The following OAF variants were observed in gnomAD, a reference collection of about 807,000 sequenced individuals.
OAF encodes out at first protein homolog.
Under a neutral mutation model 22.5 loss-of-function variants are expected in OAF, and 13 were observed. That is an observed-to-expected ratio of 0.58 (90% CI 0.38 to 0.92). The LOEUF is 0.92. Among genes scored for constraint, OAF ranks in the 40% least tolerant of loss-of-function variants. The probability of loss-of-function intolerance (pLI) is 0.00; values close to 1 mark genes in which losing one functional copy is unlikely to be tolerated. For synonymous variants in OAF, 175 were observed against 170.5 expected (o/e 1.03, Z -0.21); for missense variants, 347 against 381.8 (o/e 0.91, Z 0.76).
rs1387006584 is a variant in OAF, at chr11:120,228,884, G to A, written c.564G>A (p.Val188=). 1 of 1,429,508 alleles carries A rather than the reference G, an allele frequency of 7.0e-7. No individual in the cohort carries two copies. The highest frequency in any genetic ancestry group is 9.3e-7 in the Non-Finnish European group (1 of 1,070,038). 88.6% of individuals were successfully genotyped at this position (1,429,508 alleles called of 1,614,324 possible). ...FWLEQGVDSS[V]FEALPKASEQ... ...CTCCCCCAGGTGTGGACAGTTCTGT[G>A]TTCGAGGCTCTGCCCAAGGCCTCAG... The change falls in exon 4 of 4, where the codon GTG becomes GTA. Residue 188 remains valine (V), a synonymous_variant. Coordinates refer to ENST00000328965, the MANE Select transcript of OAF (RefSeq NM_178507.4).
rs1230967090 is a variant in OAF at position 120,225,884 on chromosome 11, T to G, written c.366+89T>G. On this transcript the variant is annotated intron_variant, in intron 2 of 3. Transcript: ENST00000328965. The stretch of plus-strand genomic sequence containing the variant: ...CATCCCGCAGACCCGGCCCAGATCC[T>G]GACCTGCAGACCCGACCCCTGCAGC... 7 of 1,224,400 alleles carry G rather than the reference T, an allele frequency of 5.7e-6. No homozygotes were observed. The East Asian group carries it at 1.8e-4, about 32-fold the overall frequency. The allele number at this position is 1,224,400 out of a possible 1,614,324, so 75.8% of individuals were successfully genotyped here.
chr11:120,219,002 TAC>T (rs1555062016), intron 1 of OAF, among the ~76,000 whole-genome samples: 3 of 149,856 alleles, frequency 2.0e-5, no homozygotes, highest in Non-Finnish European at 4.4e-5. Context: ...TGTGTGTGTG[TAC>T]ACACGTTATG....
At position 120,230,139 on chromosome 11, in the gene OAF, A is replaced by G. The variant is rs1369349472; in HGVS notation, c.*997A>G. The G allele has an allele frequency of 2.0e-5, 3 of 152,244 alleles. No homozygotes were observed. The highest frequency in any genetic ancestry group is 7.2e-5 in the African/African-American group (3 of 41,478). The allele number at this position is 152,244 out of a possible 1,614,324, so 9.4% of individuals were successfully genotyped here. On this transcript the variant is annotated 3_prime_UTR_variant, in exon 4 of 4. Transcript: ENST00000328965. ...GGATGAGATAAAACTTCTGCACCCAAGACAATGAGACAGACATAGCTGCAA... is the reference window on the plus strand; with the variant it reads ...GGATGAGATAAAACTTCTGCACCCAGGACAATGAGACAGACATAGCTGCAA...
At chr11:120,225,863 C>A (rs925275859) in intron 2 of OAF, 68 bp downstream of exon 2, 5 of 1,434,850 alleles carry the variant, frequency 3.5e-6, no homozygotes, top group Non-Finnish European at 4.7e-6. Flanking sequence ...AGATCCCATC[C>A]CGCAGACCCG....
intron 1 of OAF, among the ~76,000 whole-genome samples, chr11:120,223,992 A>G (rs895854997): frequency 2.6e-5 from 4 of 152,206 alleles, no homozygotes; most frequent in African/African-American, 9.6e-5. Flanking sequence ...AGTGAGGGGA[A>G]GATCAGATAG....
At chr11:120,217,391 C>G (rs1938226582) in intron 1 of OAF, 1 of 152,256 alleles carries the variant, frequency 6.6e-6, no homozygotes, top group Non-Finnish European at 1.5e-5. Context: ...CCAGCCTGAT[C>G]AACATGGTGA....
At chr11:120,218,261 G>T (rs1938237642) in intron 1 of OAF, among the ~76,000 whole-genome samples, 1 of 152,194 alleles carries the variant, frequency 6.6e-6, no homozygotes, top group African/African-American at 2.4e-5. Context: ...TAGCCCTGAG[G>T]GGATGCTGGC....
At chr11:120,226,723 T>G (rs1001148467) in intron 2 of OAF, 93 bp from the exon 3 acceptor site, 2 of 1,213,734 alleles carry the variant, frequency 1.6e-6, no homozygotes, top group African/African-American at 1.5e-5. Context: ...CTAAAGGCAG[T>G]CAGCTTGGGC....
intron 2 of OAF, 107 bp downstream of exon 2, chr11:120,225,902 C>G (rs1215107683): frequency 3.2e-6 from 3 of 937,280 alleles, no homozygotes; most frequent in African/African-American, 3.4e-5. Context: ...AGACCCGACC[C>G]CTGCAGCCAG....
intron 3 of OAF, among the ~76,000 whole-genome samples, 168 bp from the exon 4 acceptor site, chr11:120,228,700 A>G (rs540341421): frequency 2.6e-5 from 4 of 152,282 alleles, no homozygotes. Context: ...GGAGCCTAGT[A>G]ACCAGGTCTT....
intron 1 of OAF, among the ~76,000 whole-genome samples, chr11:120,225,204 G>A (rs953148134): frequency 6.6e-6 from 1 of 152,034 alleles, no homozygotes; most frequent in African/African-American, 2.4e-5. Context: ...AGCACCAAGG[G>A]CATCTTGAGA....
chr11:120,228,270 A>AAACAAGGTTTGG (rs1938388907), intron 3 of OAF, among the ~76,000 whole-genome samples: 1 of 152,084 alleles, frequency 6.6e-6, no homozygotes, highest in African/African-American at 2.4e-5. Flanking sequence ...CTTTTAGTAG[A>AAACAAGGTTTGG]AACAAGGTTT....
rs1300350762 is a variant in OAF at position 120,229,220 on chromosome 11, C to T, written c.*78C>T. ...CACTAGAGGGGGTGGCAACCCCCAC[C>T]TGAGGCCTTATTTCCCTCCCTCCCC... On this transcript the variant is annotated 3_prime_UTR_variant, in exon 4 of 4. Coordinates refer to ENST00000328965, the MANE Select transcript of OAF (RefSeq NM_178507.4). The T allele has an allele frequency of 4.5e-6, 6 of 1,331,612 alleles. No individual in the cohort carries two copies. Among genetic ancestry groups the T allele is most frequent in the African/African-American group, 1.4e-5 (1 of 69,532 alleles). The allele number at this position is 1,331,612 out of a possible 1,614,324, so 82.5% of individuals were successfully genotyped here. A position where few individuals can be genotyped will look rare whatever the true frequency, so the allele number is the denominator to read the frequency against.
chr11:120,213,226 C>T (rs1004191533), intron 1 of OAF, among the ~76,000 whole-genome samples: 1 of 151,422 alleles, frequency 6.6e-6, no homozygotes, highest in African/African-American at 2.4e-5. Flanking sequence ...AAGGGAGAGG[C>T]TAAGAAGTAC....
rs75160790 is a variant in OAF at position 120,228,546 on chromosome 11, T to C, written c.548-322T>C. Among the ~76,000 whole-genome samples the C allele has an allele frequency of 7.1e-3, 1,079 of 152,218 alleles. 87 individuals carry two copies. The East Asian group carries it at 0.18, about 25-fold the overall frequency. On this transcript the variant is annotated intron_variant, in intron 3 of 3. Coordinates refer to ENST00000328965, the MANE Select transcript of OAF (RefSeq NM_178507.4). ...AGATCATTAAACTCTGGGTCGATGT[T>C]CTCATCACTAAAACAGGGATGACGA...
intron 1 of OAF, among the ~76,000 whole-genome samples, chr11:120,212,765 C>T (rs1591357173): frequency 6.7e-6 from 1 of 149,022 alleles, no homozygotes; most frequent in African/African-American, 2.5e-5. Context: ...GGGGGTGAGG[C>T]TTGACCGCTG....
chr11:120,226,787 G>A (rs756793176), intron 2 of OAF, 29 bp from the exon 3 acceptor site: 1 of 1,562,766 alleles, frequency 6.4e-7, no homozygotes, highest in Non-Finnish European at 8.7e-7. Flanking sequence ...TCTGAAGCCA[G>A]GTAGGAGTGA....
intron 1 of OAF, among the ~76,000 whole-genome samples, chr11:120,219,913 T>C (rs1191818921): frequency 6.6e-6 from 1 of 151,928 alleles, no homozygotes; most frequent in African/African-American, 2.4e-5. Context: ...GAAGAAAGAG[T>C]GTCTGCACAT....
At position 120,229,996 on chromosome 11, in the gene OAF, C is replaced by T. The variant is rs933196984; in HGVS notation, c.*854C>T. 3 of 152,262 alleles carry T rather than the reference C, an allele frequency of 2.0e-5. No individual in the cohort carries two copies. Among genetic ancestry groups the T allele is most frequent in the African/African-American group, 7.2e-5 (3 of 41,430 alleles). The allele number at this position is 152,262 out of a possible 1,614,324, so 9.4% of individuals were successfully genotyped here. ...TTTGGCCAATGCTGCCACCTGATGT[C>T]AGAAAGTGTCCCCACACCCTAGCAG... On this transcript the variant is annotated 3_prime_UTR_variant, in exon 4 of 4. Coordinates refer to ENST00000328965, the MANE Select transcript of OAF (RefSeq NM_178507.4).
Sources: gnomAD v4.1 joint callset for allele counts (sites outside exome capture counted in the v4.1 genomes callset) on GRCh38, gnomAD v4.1.1 for gene constraint, MANE v1.5 for transcripts, NCBI Gene and HGNC (gene_info 2026-07-23, HGNC 2026-07-21) for gene names.